HIP1R: variants seen among roughly 807,000 people sequenced by gnomAD.
HIP1R encodes the protein huntingtin interacting protein 1 related.
A neutral mutation model predicts 144.2 loss-of-function variants in HIP1R; 135 were observed. The ratio of observed to expected loss-of-function variants is 0.94; its 90% CI spans 0.81 to 1.08. The LOEUF (loss-of-function observed/expected upper bound fraction) is 1.08, where lower values mean the gene tolerates loss of function less well. Ranked by LOEUF, HIP1R falls within the 50% of genes least tolerant of loss-of-function variation. The pLI is 0.00. For missense variants in HIP1R, 1,462 were observed against 1,432.8 expected (o/e 1.02, Z -0.33); for synonymous variants, 698 against 612.8 (o/e 1.14, Z -2.05).
intron 18 of HIP1R, 180 bp downstream of exon 18, chr12:122,857,395 C>A: frequency 1.5e-6 from 1 of 655,318 alleles, no homozygotes; most frequent in Non-Finnish European, 2.7e-6. Flanking sequence ...ACATCATAGC[C>A]TGTGTCATTA....
chr12:122,860,407 C>T lies in HIP1R; in HGVS notation c.2560-16C>T, dbSNP rs1257753379. On this transcript the variant is annotated splice_polypyrimidine_tract_variant and intron_variant, in intron 26 of 31. Transcript: ENST00000253083. ...CTTGACTGGCATGTCCTGCCCTGTTCTCCCGTCGCCACTAGGGGGCAGCCA... is the reference window on the plus strand; with the variant it reads ...CTTGACTGGCATGTCCTGCCCTGTTTTCCCGTCGCCACTAGGGGGCAGCCA... The T allele has an allele frequency of 1.2e-6, 2 of 1,612,618 alleles. No homozygotes were observed. The highest frequency in any genetic ancestry group is 1.7e-6 in the Non-Finnish European group (2 of 1,179,372).
At chr12:122,854,308 C>T in intron 8 of HIP1R, 125 bp downstream of exon 8, 1 of 555,184 alleles carries the variant, frequency 1.8e-6, no homozygotes, top group Non-Finnish European at 2.8e-6. Context: ...AATAAACCCA[C>T]TGCCCATTAA....
intron 2 of HIP1R, 57 bp from the exon 3 acceptor site, chr12:122,848,409 G>C: frequency 6.4e-7 from 1 of 1,560,230 alleles, no homozygotes; most frequent in South Asian, 1.2e-5. Context: ...TCTCAGCCGG[G>C]TTTGCTGAGC....
chr12:122,835,935 G>T (rs2032879753), intron 1 of HIP1R, among the ~76,000 whole-genome samples: 1 of 151,030 alleles, frequency 6.6e-6, no homozygotes, highest in African/African-American at 2.4e-5. Flanking sequence ...CGGGGTCAGG[G>T]TGTGCGCGGG....
chr12:122,846,637 C>T (rs550570591), intron 1 of HIP1R, among the ~76,000 whole-genome samples: 112 of 152,268 alleles, frequency 7.4e-4, no homozygotes, highest in African/African-American at 2.6e-3. Flanking sequence ...GAGATGGGAC[C>T]GCAGCTCCTC....
Position 122,855,895 on chromosome 12 carries a change from A to T in HIP1R, c.1120A>T (p.Lys374Ter). The change falls in exon 13 of 32, where the codon AAG (lysine) becomes TAG (stop). Residue 374 changes from lysine to a stop codon, truncating the protein, a stop_gained. Transcript: ENST00000253083. LOFTEE classifies it high-confidence loss of function. ...EMLRSELEKIKLEAQRYIAQL... is the reference protein window; with the variant it reads ...EMLRSELEKI ...GCTCCGCTCTGAACTGGAGAAGATCAAGCTGGAGGTGCGGGGTGGGGATGG... is the reference window on the plus strand; with the variant it reads ...GCTCCGCTCTGAACTGGAGAAGATCTAGCTGGAGGTGCGGGGTGGGGATGG... 3 of 1,488,536 alleles carry T rather than the reference A, an allele frequency of 2.0e-6. No homozygotes were observed. Among genetic ancestry groups the T allele is most frequent in the Non-Finnish European group, 2.7e-6 (3 of 1,113,790 alleles). The allele number at this position is 1,488,536 out of a possible 1,614,324, so 92.2% of individuals were successfully genotyped here. A position where few individuals can be genotyped will look rare whatever the true frequency, so the allele number is the denominator to read the frequency against.
Position 122,861,819 on chromosome 12 carries a change from C to A in HIP1R, c.*66C>A. On this transcript the variant is annotated 3_prime_UTR_variant, in exon 32 of 32. Coordinates refer to ENST00000253083, the MANE Select transcript of HIP1R (RefSeq NM_003959.3). ...GGCCTCTGCAACTGCCCTGACAGGA[C>A]CGAGAGGCCTTGCCCCTCCACCTGG... 1 of 1,490,220 alleles carries A rather than the reference C, an allele frequency of 6.7e-7. No individual in the cohort carries two copies. Among genetic ancestry groups the A allele is most frequent in the Non-Finnish European group, 9.3e-7 (1 of 1,074,056 alleles). The allele number at this position is 1,490,220 out of a possible 1,614,324, so 92.3% of individuals were successfully genotyped here.
At position 122,858,912 on chromosome 12, in the gene HIP1R, A is replaced by C; in HGVS notation, c.2125A>C (p.Thr709Pro). 6.2e-7 allele frequency: 1 copy of C among 1,612,490 alleles called. No individual in the cohort carries two copies. Among genetic ancestry groups the C allele is most frequent in the Non-Finnish European group, 8.5e-7 (1 of 1,179,862 alleles). ...AADTIINGGA[T>P]SHLAPTDPAD... ...GGATACCATCATCAATGGCGGTGCC[A>C]CCTCGCACCTGGCTCCCACCGACCC... is the stretch of plus-strand genomic sequence containing the variant. Residue 709 changes from threonine (T) to proline (P), a missense_variant, in exon 21 of 32, where the codon ACC becomes CCC. By Grantham distance (38) the Thr-to-Pro change is conservative (BLOSUM62 -1). Around this residue, in one of 2 missense-constraint regions of HIP1R, gnomAD observed 1,112 missense variants for 1,011.7 expected, o/e 1.10. Coordinates refer to ENST00000253083, the MANE Select transcript of HIP1R (RefSeq NM_003959.3).
rs141813189 is a variant in HIP1R at position 122,860,749 on chromosome 12, G to A, written c.2731G>A (p.Ala911Thr). The part of the protein sequence containing the change: ...EELIVCSHEI[A>T]ASTAQLVAAS... ...GCTCATCGTCTGCTCCCACGAGATC[G>A]CAGCCAGCACGGCCCAGCTGGTGGC... The change falls in exon 28 of 32, where the codon GCA becomes ACA. Residue 911 changes from alanine to threonine, a missense_variant. Ala to Thr is a moderately conservative substitution (Grantham distance 58, BLOSUM62 0). Coordinates refer to ENST00000253083, the MANE Select transcript of HIP1R (RefSeq NM_003959.3). 2,212 of 1,613,136 alleles carry A rather than the reference G, an allele frequency of 1.4e-3. 6 individuals carry two copies. The highest frequency in any genetic ancestry group is 4.7e-3 in the South Asian group (427 of 91,080).
Position 122,858,955 on chromosome 12 carries a change from T to C in HIP1R, c.2158+10T>C, listed in dbSNP as rs763568972. On this transcript the variant is annotated intron_variant, in intron 21 of 31. Coordinates refer to ENST00000253083, the MANE Select transcript of HIP1R (RefSeq NM_003959.3). ...ACCGACCCTGCCGACCGTAAGTGGG[T>C]CCTGGGATGGCAGGTTCTGTCCACC... The C allele has an allele frequency of 6.2e-7, 1 of 1,612,208 alleles. No individual in the cohort carries two copies. The highest frequency in any genetic ancestry group is 8.5e-7 in the Non-Finnish European group (1 of 1,179,214).
intron 7 of HIP1R, among the ~76,000 whole-genome samples, chr12:122,852,697 G>T (rs915663855): frequency 1.8e-4 from 27 of 152,220 alleles, no homozygotes; most frequent in Non-Finnish European, 1.3e-4. Flanking sequence ...AGCAGAGGCT[G>T]CGTCTCGCTG....
At position 122,858,389 on chromosome 12, in the gene HIP1R, G is replaced by A. The variant is rs1385687475; in HGVS notation, c.2004G>A (p.Val668=). 1.9e-6 allele frequency: 3 copies of A among 1,611,050 alleles called. No homozygotes were observed. The highest frequency in any genetic ancestry group is 2.2e-5 in the East Asian group (1 of 44,858). The part of the protein sequence containing the change: ...VSRAQEALDA[V]STLEEGHAQY... ...GGGCCCAGGAGGCCTTGGATGCCGTGAGCACCCTGGAGGAGGGCCACGCCC... is the reference window on the plus strand; with the variant it reads ...GGGCCCAGGAGGCCTTGGATGCCGTAAGCACCCTGGAGGAGGGCCACGCCC... Residue 668 remains valine (V), a synonymous_variant, in exon 20 of 32, where the codon GTG becomes GTA. Transcript: ENST00000253083.
chr12:122,837,405 G>A (rs368898649), intron 1 of HIP1R, among the ~76,000 whole-genome samples: 3 of 150,956 alleles, frequency 2.0e-5, no homozygotes, highest in Non-Finnish European at 4.4e-5. Context: ...TGCAACCTCC[G>A]CCTCCCGGGT....
In HIP1R at chr12:122,855,872, T is replaced by C; in HGVS notation, c.1097T>C (p.Leu366Pro). The change falls in exon 13 of 32, where the codon CTC becomes CCC. Residue 366 changes from leucine to proline, a missense_variant. Around this residue, in one of 2 missense-constraint regions of HIP1R, gnomAD observed 1,112 missense variants for 1,011.7 expected, o/e 1.10. Transcript: ENST00000253083. The part of the protein sequence containing the change: ...IESLKREVEM[L>P]RSELEKIKLE... Reference sequence around the variant, plus strand: ...AGCTTGAAGAGAGAGGTGGAAATGCTCCGCTCTGAACTGGAGAAGATCAAG... The same window carrying C: ...AGCTTGAAGAGAGAGGTGGAAATGCCCCGCTCTGAACTGGAGAAGATCAAG... The C allele has an allele frequency of 7.2e-7, 1 of 1,397,278 alleles. No homozygotes were observed. The highest frequency in any genetic ancestry group is 1.5e-5 in the African/African-American group (1 of 67,860). 86.6% of individuals were successfully genotyped at this position (1,397,278 alleles called of 1,614,324 possible).
At position 122,855,765 on chromosome 12, in the gene HIP1R, T is replaced by A. The variant is rs112609942; in HGVS notation, c.1056-66T>A. ...GAGTGGCCACTGAGGAGGAGACAGG[T>A]TCCTGTGCTGGGTCTGTTGACTGTT... On this transcript the variant is annotated intron_variant, in intron 12 of 31. Coordinates refer to ENST00000253083, the MANE Select transcript of HIP1R (RefSeq NM_003959.3). The A allele has an allele frequency of 4.5e-3, 6,815 of 1,530,614 alleles. 235 individuals are homozygous for A. In the African/African-American group the frequency reaches 0.081, roughly 18 times the overall value. 94.8% of individuals were successfully genotyped at this position (1,530,614 alleles called of 1,614,324 possible).
Position 122,858,831 on chromosome 12 carries a change from C to T in HIP1R, c.2051-7C>T, listed in dbSNP as rs747716283. 21 of 1,609,262 alleles carry T rather than the reference C, an allele frequency of 1.3e-5. No homozygotes were observed. The highest frequency in any genetic ancestry group is 9.9e-5 in the South Asian group (9 of 91,020). On this transcript the variant is annotated splice_polypyrimidine_tract_variant and splice_region_variant and intron_variant, in intron 20 of 31. Coordinates refer to ENST00000253083, the MANE Select transcript of HIP1R (RefSeq NM_003959.3). ...TCCCCCAACCTTGGCCCCACCCACC[C>T]GCACAGACGCCTCCGCCCTGGTGGC...
chr12:122,861,317 CTG>C lies in HIP1R; in HGVS notation c.2963_2964del (p.Leu988ArgfsTer9). On this transcript the variant is annotated frameshift_variant, in exon 31 of 32. Transcript: ENST00000253083. LOFTEE classifies it high-confidence loss of function. The part of the protein sequence containing the change: ...KQEMETQVRV[L>X]ELEKTLEAER... ...GGCCGTGTGGCTACAGGTGCGTGTC[CTG>C]GAGCTGGAGAAGACGCTGGAGGCTG... The C allele has an allele frequency of 6.2e-7, 1 of 1,613,562 alleles. No homozygotes were observed. The highest frequency in any genetic ancestry group is 2.2e-5 in the East Asian group (1 of 44,868).
intron 4 of HIP1R, 139 bp downstream of exon 4, chr12:122,848,991 C>T (rs535653332): frequency 1.7e-5 from 14 of 817,732 alleles, no homozygotes; most frequent in South Asian, 7.8e-5. Flanking sequence ...AGGGGCAGCA[C>T]GGGGAGATGC....
At chr12:122,859,682 C>T in intron 23 of HIP1R, 90 bp from the exon 24 acceptor site, 1 of 1,484,904 alleles carries the variant, frequency 6.7e-7, no homozygotes, top group African/African-American at 1.4e-5. Flanking sequence ...CCTGTGAGGT[C>T]AGAGCTGAGA....
Sources: allele counts gnomAD v4.1 joint callset (sites outside exome capture counted in the v4.1 genomes callset), GRCh38; gene constraint gnomAD v4.1.1; regional missense constraint gnomAD v4.1.1; transcripts MANE v1.5; gene names NCBI Gene and HGNC (gene_info 2026-07-23, HGNC 2026-07-21).